The following USP9Y variants were observed in gnomAD, a reference collection of about 807,000 sequenced individuals.
The protein encoded by USP9Y is ubiquitin carboxyl-terminal hydrolase 9Y.
USP9Y carries 41 observed loss-of-function variants against 53.1 expected under a neutral mutation model. The observed-to-expected ratio is 0.77, with a 90% CI of 0.60 to 1.00. The LOEUF is 1.00. Among genes scored for constraint, USP9Y ranks in the 50% least tolerant of loss-of-function variants. The pLI, the probability that USP9Y is intolerant of heterozygous loss-of-function variation, is 0.00. For missense variants in USP9Y, 567 were observed against 535.8 expected (o/e 1.06, Z -0.58); for synonymous variants, 220 against 173.7 (o/e 1.27, Z -2.09).
rs760429387 is a variant in USP9Y at position 12,786,412 on chromosome Y, G to A, written c.3282+79G>A. ...GAACACTGATAAGACTGTAAAGAAA[G>A]TTTTTTAAATAGTCGAATTTCTTAG... is the stretch of plus-strand genomic sequence containing the variant. On this transcript the variant is annotated intron_variant, in intron 23 of 45. Coordinates refer to ENST00000338981, the MANE Select transcript of USP9Y (RefSeq NM_004654.4). The A allele has an allele frequency of 5.9e-5, 22 of 375,425 alleles. No individual in the cohort carries two copies. The Admixed American group carries it at 1.1e-3, about 19-fold the overall frequency. The allele number at this position is 375,425 out of a possible 400,897, so 93.6% of individuals were successfully genotyped here.
chrY:12,726,341 C>T, intron 6 of USP9Y, among the ~76,000 whole-genome samples: 3 of 33,342 alleles, frequency 9.0e-5, no homozygotes, highest in African/African-American at 2.3e-4. Flanking sequence ...ACTGTGGTAC[C>T]TACTTTATTT....
chrY:12,749,293 G>A (rs955358098), intron 12 of USP9Y, among the ~76,000 whole-genome samples: 2 of 33,033 alleles, frequency 6.1e-5, no homozygotes, highest in African/African-American at 2.4e-4. Flanking sequence ...GTGTGAGGAT[G>A]GGGTATTATA....
chrY:12,724,369 G>A (rs937087975), intron 5 of USP9Y, among the ~76,000 whole-genome samples: 35 of 33,628 alleles, frequency 1.0e-3, no homozygotes, highest in African/African-American at 3.6e-3. Flanking sequence ...ATCACCTGAG[G>A]TCAGGTGTTT....
In USP9Y at chrY:12,860,228, G is replaced by C. The variant is rs2053582804; in HGVS notation, c.*812G>C. The C allele has an allele frequency of 3.0e-5, 1 of 33,508 alleles. No individual in the cohort carries two copies. The highest frequency in any genetic ancestry group is 7.4e-5 in the Non-Finnish European group (1 of 13,515). The allele number at this position is 33,508 out of a possible 400,897, so 8.4% of individuals were successfully genotyped here. A position where few individuals can be genotyped will look rare whatever the true frequency, so the allele number is the denominator to read the frequency against. On this transcript the variant is annotated 3_prime_UTR_variant, in exon 46 of 46. Transcript: ENST00000338981. ...TATTCTTCACATTTAATGTTTGATA[G>C]TTCAATTTCTTGAGCTGAAGAATAT... is the stretch of plus-strand genomic sequence containing the variant.
chrY:12,717,490 C>A (rs112024393), intron 3 of USP9Y, among the ~76,000 whole-genome samples: 5 of 33,116 alleles, frequency 1.5e-4, no homozygotes, highest in African/African-American at 5.9e-4. Flanking sequence ...GGTTTCCTCA[C>A]ATGGCGGTTG....
chrY:12,806,595 C>T (rs2053524679), intron 27 of USP9Y, among the ~76,000 whole-genome samples: 1 of 33,963 alleles, frequency 2.9e-5, no homozygotes, highest in African/African-American at 1.2e-4. Flanking sequence ...GTAACGCATT[C>T]CGTTAGCTTT....
chrY:12,855,503 C>T (rs2053575198), intron 42 of USP9Y, among the ~76,000 whole-genome samples: 1 of 33,273 alleles, frequency 3.0e-5, no homozygotes, highest in Non-Finnish European at 7.4e-5. Flanking sequence ...TGAGCCACCG[C>T]GCCCAGCCTT....
intron 24 of USP9Y, among the ~76,000 whole-genome samples, chrY:12,787,361 C>T (rs2053503394): frequency 3.0e-5 from 1 of 33,683 alleles, no homozygotes; most frequent in South Asian, 6.6e-4. Context: ...TTCAGGGATA[C>T]AGATTATTAC....
At chrY:12,733,513 A>ATAT in intron 7 of USP9Y, among the ~76,000 whole-genome samples, 3 of 28,255 alleles carry the variant, frequency 1.1e-4, no homozygotes. Context: ...TTGTATTTTT[A>ATAT]TATTATTATT....
intron 33 of USP9Y, among the ~76,000 whole-genome samples, chrY:12,822,988 A>G (rs1603202464): frequency 3.1e-5 from 1 of 32,071 alleles, no homozygotes; most frequent in Non-Finnish European, 7.6e-5. Context: ...GCCTCAGCCT[A>G]CCGAGTAGCT....
intron 33 of USP9Y, among the ~76,000 whole-genome samples, chrY:12,827,918 G>A: frequency 6.1e-5 from 2 of 32,875 alleles, no homozygotes; most frequent in Admixed American, 2.8e-4. Context: ...CCGAAACCAC[G>A]CCATTGTACT....
chrY:12,859,202 C>A, intron 45 of USP9Y, 77 bp from the exon 46 acceptor site: 1 of 335,111 alleles, frequency 3.0e-6, no homozygotes, highest in Non-Finnish European at 4.3e-6. Context: ...TTTTGACCAA[C>A]CTTACCCCAT....
At chrY:12,809,342 CAT>C (rs2053527604) in intron 27 of USP9Y, among the ~76,000 whole-genome samples, 1 of 32,438 alleles carries the variant, frequency 3.1e-5, no homozygotes. Flanking sequence ...GAAGAAAAGG[CAT>C]ACATGTGGAA....
intron 27 of USP9Y, among the ~76,000 whole-genome samples, chrY:12,795,234 A>T (rs2053511906): frequency 3.0e-5 from 1 of 33,675 alleles, no homozygotes; most frequent in African/African-American, 1.2e-4. Context: ...AAAACAACTA[A>T]TTTTTTTATA....
At chrY:12,833,426 T>C in intron 33 of USP9Y, among the ~76,000 whole-genome samples, 1 of 33,723 alleles carries the variant, frequency 3.0e-5, no homozygotes, top group Non-Finnish European at 7.4e-5. Context: ...TGAAAGTGCT[T>C]GAATATACTG....
At chrY:12,732,344 G>GT (rs2053447656) in intron 7 of USP9Y, among the ~76,000 whole-genome samples, 1 of 32,824 alleles carries the variant, frequency 3.0e-5, no homozygotes, top group Non-Finnish European at 7.5e-5. Context: ...TTTACGTTTG[G>GT]TTTTTTTGTT....
Position 12,818,568 on chromosome Y carries a change from A to C in USP9Y, c.4979A>C (p.Gln1660Pro). The change falls in exon 33 of 46, where the codon CAA (glutamine) becomes CCA (proline). Residue 1660 changes from glutamine (Q) to proline (P), a missense_variant. Gln to Pro is a moderately conservative substitution (Grantham distance 76, BLOSUM62 -1). Transcript: ENST00000338981. ...ATCTTTGGTCATTTAGCTGCTTCCCAACTACAATACTATGTACCCAGAGGA... is the reference window on the plus strand; with the variant it reads ...ATCTTTGGTCATTTAGCTGCTTCCCCACTACAATACTATGTACCCAGAGGA... The part of the protein sequence containing the change: ...QVIFGHLAAS[Q>P]LQYYVPRGFW... 2.5e-6 allele frequency: 1 copy of C among 398,625 alleles called. No individual in the cohort carries two copies. The highest frequency in any genetic ancestry group is 3.5e-6 in the Non-Finnish European group (1 of 283,368).
chrY:12,733,834 T>G, intron 7 of USP9Y, among the ~76,000 whole-genome samples: 1 of 32,900 alleles, frequency 3.0e-5, no homozygotes, highest in Non-Finnish European at 7.5e-5. Context: ...TTTGAGCATT[T>G]GAAAAAGCAC....
rs1292585591 is a variant in USP9Y, at chrY:12,859,376, G to A, written c.7628G>A (p.Gly2543Asp). ...CAACGAACACAAGAAAATTATGAAG[G>A]CAATGAAGAAGTATCCTCACCTCAG... is the stretch of plus-strand genomic sequence containing the variant. Reference protein sequence around the residue: ...TGQRTQENYEGNEEVSSPQMK... With the variant: ...TGQRTQENYEDNEEVSSPQMK... Residue 2543 changes from glycine (G) to aspartate (D), a missense_variant, in exon 46 of 46, where the codon GGC (glycine) becomes GAC (aspartate). By Grantham distance (94) the Gly-to-Asp change is moderately conservative. Transcript: ENST00000338981. The A allele has an allele frequency of 7.6e-6, 3 of 395,619 alleles. No individual in the cohort carries two copies. Among genetic ancestry groups the A allele is most frequent in the African/African-American group, 1.3e-4 (2 of 15,433 alleles).
Sources: gnomAD v4.1 joint callset for allele counts (sites outside exome capture counted in the v4.1 genomes callset) on GRCh38, gnomAD v4.1.1 for gene constraint, MANE v1.5 for transcripts, NCBI Gene and HGNC (gene_info 2026-07-23, HGNC 2026-07-21) for gene names.